The following DENND2B variants were observed in gnomAD, a reference collection of about 807,000 sequenced individuals.
DENND2B encodes DENN domain containing 2B.
Under a neutral mutation model 116.0 loss-of-function variants are expected in DENND2B, and 32 were observed. The observed-to-expected ratio is 0.28, with a 90% CI of 0.21 to 0.37. The LOEUF is 0.37. DENND2B is among the 10% of genes least tolerant of loss of function. The probability of loss-of-function intolerance (pLI) is 1.00; values close to 1 mark genes in which losing one functional copy is unlikely to be tolerated. For synonymous variants in DENND2B, 588 were observed against 583.9 expected (o/e 1.01, Z -0.10); for missense variants, 1,276 against 1,477.7 (o/e 0.86, Z 2.24).
chr11:8,825,634 A>G (rs1469628605), intron 4 of DENND2B, among the ~76,000 whole-genome samples: 1 of 152,072 alleles, frequency 6.6e-6, no homozygotes, highest in Admixed American at 6.6e-5. Context: ...ATTGGGAGGG[A>G]TAATGAATAT....
chr11:8,772,112 G>C (rs1212937534), intron 1 of DENND2B, among the ~76,000 whole-genome samples: 1 of 143,198 alleles, frequency 7.0e-6, no homozygotes, highest in Non-Finnish European at 1.5e-5. Context: ...TGCACCCTGA[G>C]AGGGAATGGA....
intron 1 of DENND2B, among the ~76,000 whole-genome samples, chr11:8,782,639 C>A (rs2058486760): frequency 6.6e-6 from 1 of 152,080 alleles, no homozygotes; most frequent in African/African-American, 2.4e-5. Context: ...GTAATCCCAG[C>A]ACTTTGGGAG....
At chr11:8,754,116 T>C (rs2053181024) in intron 1 of DENND2B, among the ~76,000 whole-genome samples, 1 of 150,726 alleles carries the variant, frequency 6.6e-6, no homozygotes, top group South Asian at 2.1e-4. Context: ...CTGTAAGCAA[T>C]ACCATCAAGA....
chr11:8,818,763 C>T lies in DENND2B; in HGVS notation c.-114-7428G>A, dbSNP rs180823370. 1.9e-4 allele frequency among the ~76,000 whole-genome samples: 29 copies of T among 152,220 alleles called. No individual in the cohort carries two copies. The East Asian group carries it at 2.7e-3, about 14-fold the overall frequency. On this transcript the variant is annotated intron_variant, in intron 4 of 6. Coordinates refer to the DENND2B transcript ENST00000524757. ...AATTCTAGCTTAGGGCTGTGTACCA[C>T]GTACAATTAATAAATTTTTAAATGA...
chr11:8,775,504 TA>T (rs1299769166), intron 1 of DENND2B, among the ~76,000 whole-genome samples: 1 of 152,060 alleles, frequency 6.6e-6, no homozygotes, highest in East Asian at 1.9e-4. Context: ...TTCTAGTGGC[TA>T]ATTCCTCTGA....
At chr11:8,699,160 G>A in intron 15 of DENND2B, 53 bp downstream of exon 15, 4 of 1,524,790 alleles carry the variant, frequency 2.6e-6, no homozygotes, top group Non-Finnish European at 3.5e-6. Flanking sequence ...TAAGATCCCA[G>A]CACCTGCTTC....
chr11:8,788,222 C>G (rs942548910), intron 1 of DENND2B, among the ~76,000 whole-genome samples: 1 of 152,118 alleles, frequency 6.6e-6, no homozygotes, highest in Non-Finnish European at 1.5e-5. Context: ...CCAAAACAAA[C>G]CCCAACCAGA....
chr11:8,888,590 T>C (rs1358872248), intron 1 of DENND2B, among the ~76,000 whole-genome samples: 1 of 152,054 alleles, frequency 6.6e-6, no homozygotes, highest in African/African-American at 2.4e-5. Context: ...GCATTAAAAT[T>C]AAAAATTTGG....
chr11:8,880,345 C>CTGTGTGTGTGTGTGTGTGTGTG (rs56051922), intron 2 of DENND2B, among the ~76,000 whole-genome samples: 9 of 120,550 alleles, frequency 7.5e-5, no homozygotes, highest in Non-Finnish European at 1.1e-4. Flanking sequence ...TCACTTTGAA[C>CTGTGTGTGTGTGTGTGTGTGTG]TGTGTGTGTG....
At chr11:8,876,315 A>T (rs2063840586), upstream of DENND2B, among the ~76,000 whole-genome samples, 1 of 152,188 alleles carries the variant, frequency 6.6e-6, no homozygotes, top group South Asian at 2.1e-4. Context: ...ATATAAAATT[A>T]AAAATAAATT....
rs370207431 is a variant in DENND2B, at chr11:8,761,881, G to C, written c.-25-11156C>G. ...ACGGAGACTACTCCACCTCTATAAT[G>C]AGAACACAAAGAACAATGAGAAGCC... On this transcript the variant is annotated intron_variant, in intron 1 of 19. Transcript: ENST00000313726. 5.6e-4 allele frequency among the ~76,000 whole-genome samples: 86 copies of C among 152,252 alleles called. 2 individuals carry two copies. In the South Asian group the frequency reaches 0.017, roughly 31 times the overall value.
intron 13 of DENND2B, among the ~76,000 whole-genome samples, chr11:8,704,777 A>G (rs530987734): frequency 2.0e-5 from 3 of 152,018 alleles, no homozygotes; most frequent in Admixed American, 2.0e-4. Context: ...GACTCACTAC[A>G]ATCTTCACCT....
chr11:8,822,511 T>A (rs2061804148), intron 4 of DENND2B, among the ~76,000 whole-genome samples: 1 of 152,242 alleles, frequency 6.6e-6, no homozygotes, highest in Non-Finnish European at 1.5e-5. Flanking sequence ...AAAAGTGGAC[T>A]CTTTCCTGCA....
At chr11:8,718,791 C>G (rs2045590048) in intron 4 of DENND2B, 1 of 1,012,010 alleles carries the variant, frequency 9.9e-7, no homozygotes, top group Non-Finnish European at 1.2e-6. Context: ...AACAGAATCC[C>G]TGCCCTTGAA....
intron 2 of DENND2B, among the ~76,000 whole-genome samples, chr11:8,739,585 G>A (rs1019444333): frequency 5.9e-5 from 9 of 152,244 alleles, no homozygotes; most frequent in African/African-American, 2.2e-4. Flanking sequence ...TACAATCCCA[G>A]AGTATGCCCC....
intron 1 of DENND2B, chr11:8,871,228 A>T (rs2063773618): frequency 7.5e-6 from 1 of 133,252 alleles, no homozygotes; most frequent in Non-Finnish European, 1.6e-5. Context: ...GCAGCGAGAA[A>T]GCCGCGCCGA....
intron 1 of DENND2B, among the ~76,000 whole-genome samples, chr11:8,887,065 T>G (rs1215317940): frequency 6.6e-6 from 1 of 152,106 alleles, no homozygotes; most frequent in Non-Finnish European, 1.5e-5. Flanking sequence ...CAACCTCAGG[T>G]GATCCATCTA....
intron 4 of DENND2B, 43 bp downstream of exon 4, chr11:8,726,030 A>G: frequency 6.2e-7 from 1 of 1,612,590 alleles, no homozygotes; most frequent in Non-Finnish European, 8.5e-7. Flanking sequence ...GTTCTTCTGC[A>G]GCCCCCTGAG....
At chr11:8,827,199 C>T (rs2062012169) in intron 4 of DENND2B, among the ~76,000 whole-genome samples, 1 of 152,228 alleles carries the variant, frequency 6.6e-6, no homozygotes, top group Non-Finnish European at 1.5e-5. Flanking sequence ...GGTGATACAT[C>T]TGCCTACACC....
Sources: gnomAD v4.1 joint callset for allele counts (sites outside exome capture counted in the v4.1 genomes callset) on GRCh38, gnomAD v4.1.1 for gene constraint, MANE v1.5 for transcripts, NCBI Gene and HGNC (gene_info 2026-07-23, HGNC 2026-07-21) for gene names.